The following CDH12 variants were observed in gnomAD, a reference collection of about 807,000 sequenced individuals.
CDH12 encodes the protein cadherin 12.
A neutral mutation model predicts 74.1 loss-of-function variants in CDH12; 41 were observed. The ratio of observed to expected loss-of-function variants is 0.55; its 90% CI spans 0.43 to 0.72. The LOEUF is 0.72. CDH12 is among the 30% of genes least tolerant of loss of function. CDH12 has a pLI of 0.00. For synonymous variants in CDH12, 399 were observed against 355.0 expected, an observed-to-expected ratio of 1.12 and a Z score of -1.39; for missense variants, 945 against 977.2, an observed-to-expected ratio of 0.97 and a Z score of 0.44.
At chr5:22,203,146 A>G (rs905817120) in intron 4 of CDH12, among the ~76,000 whole-genome samples, 34 of 152,174 alleles carry the variant, frequency 2.2e-4, no homozygotes, top group African/African-American at 8.2e-4. Context: ...TTTGAAATAT[A>G]TGTTATATTA....
At chr5:22,564,053 T>TAA (rs549285386) in intron 1 of CDH12, among the ~76,000 whole-genome samples, 1 of 152,148 alleles carries the variant, frequency 6.6e-6, no homozygotes, top group Non-Finnish European at 1.5e-5. Flanking sequence ...TCTATAGCCT[T>TAA]AAAAAAACTA....
chr5:22,194,278 A>G (rs747902969), intron 4 of CDH12, among the ~76,000 whole-genome samples: 1 of 145,656 alleles, frequency 6.9e-6, no homozygotes, highest in Non-Finnish European at 1.5e-5. Context: ...TACCTCCCCC[A>G]CTATTCTTTC....
chr5:22,352,788 T>C (rs1052059636), intron 3 of CDH12, among the ~76,000 whole-genome samples: 1 of 152,194 alleles, frequency 6.6e-6, no homozygotes, highest in Non-Finnish European at 1.5e-5. Context: ...GACATTATAC[T>C]GGAACTGGCA....
intron 4 of CDH12, among the ~76,000 whole-genome samples, chr5:22,166,862 A>G (rs1174189921): frequency 6.6e-6 from 1 of 152,202 alleles, no homozygotes; most frequent in Non-Finnish European, 1.5e-5. Flanking sequence ...ATTATTTTAA[A>G]AAAAGCAAAA....
chr5:22,756,586 A>T (rs1443781283), intron 1 of CDH12, among the ~76,000 whole-genome samples: 1 of 152,194 alleles, frequency 6.6e-6, no homozygotes, highest in African/African-American at 2.4e-5. Context: ...AGGATTCTTC[A>T]TAAAATGTGA....
intron 1 of CDH12, among the ~76,000 whole-genome samples, chr5:22,784,976 C>G (rs1049701135): frequency 6.6e-6 from 1 of 152,040 alleles, no homozygotes; most frequent in Non-Finnish European, 1.5e-5. Context: ...GAATCATTGT[C>G]TAATGGGATA....
intron 4 of CDH12, chr5:22,141,375 A>G (rs1374683753): frequency 2.0e-5 from 3 of 152,178 alleles, no homozygotes; most frequent in Non-Finnish European, 4.4e-5. Context: ...TGTTTCAGGA[A>G]ATTCTCTGGA....
intron 1 of CDH12, among the ~76,000 whole-genome samples, chr5:22,761,075 G>GT (rs894980896): frequency 7.9e-5 from 12 of 152,240 alleles, no homozygotes; most frequent in African/African-American, 2.2e-4. Flanking sequence ...AGTCATAACT[G>GT]TTTTTTTGTC....
chr5:21,773,478 C>G (rs368479079), intron 11 of CDH12, among the ~76,000 whole-genome samples: 1 of 152,154 alleles, frequency 6.6e-6, no homozygotes, highest in African/African-American at 2.4e-5. Context: ...TTCCTGCCCT[C>G]GAACATCAGA....
intron 3 of CDH12, among the ~76,000 whole-genome samples, chr5:22,257,738 T>C (rs1753369186): frequency 6.6e-6 from 1 of 152,000 alleles, no homozygotes; most frequent in Non-Finnish European, 1.5e-5. Context: ...GCTCCTGATT[T>C]GCCTGCCTCA....
chr5:21,886,079 A>G (rs569098217), intron 6 of CDH12, among the ~76,000 whole-genome samples: 1 of 152,174 alleles, frequency 6.6e-6, no homozygotes, highest in Non-Finnish European at 1.5e-5. Context: ...GTAACATAAA[A>G]TTCATTGCTC....
At chr5:22,117,495 A>G (rs1580276898) in intron 4 of CDH12, among the ~76,000 whole-genome samples, 1 of 74,280 alleles carries the variant, frequency 1.3e-5, no homozygotes, top group Admixed American at 2.0e-4. Flanking sequence ...TATATTATAT[A>G]TATATAATAT....
intron 3 of CDH12, among the ~76,000 whole-genome samples, chr5:22,293,621 T>TAC (rs150772328): frequency 0.032 from 4,768 of 150,844 alleles, 99 homozygotes; most frequent in African/African-American, 0.054. Flanking sequence ...CATATACATA[T>TAC]ACACACACAC....
chr5:21,842,463 A>G (rs1261429445), intron 7 of CDH12, 135 bp from the exon 8 acceptor site: 16 of 593,748 alleles, frequency 2.7e-5, no homozygotes, highest in Admixed American at 3.7e-5. Context: ...TGTATCTTTT[A>G]AAAAGTGAGA....
chr5:22,584,426 T>C (rs1157026735), intron 1 of CDH12, among the ~76,000 whole-genome samples: 1 of 152,170 alleles, frequency 6.6e-6, no homozygotes, highest in Non-Finnish European at 1.5e-5. Context: ...AATTCTGTGT[T>C]TTTAAGATTT....
rs187099562 is a variant in CDH12 at position 22,825,032 on chromosome 5, G to C, written c.-523+28026C>G. ...AAAACTGTATTACCAAAGATAAAAA[G>C]GGTCACAGAATAATTATACAAAGAA... is the stretch of plus-strand genomic sequence containing the variant. On this transcript the variant is annotated intron_variant, in intron 1 of 14. Coordinates refer to ENST00000382254, the MANE Select transcript of CDH12 (RefSeq NM_004061.5). Among the ~76,000 whole-genome samples, 911 of 151,964 alleles carry C rather than the reference G, an allele frequency of 6.0e-3. 9 individuals carry two copies. The highest frequency in any genetic ancestry group is 0.021 in the African/African-American group (881 of 41,514).
chr5:22,571,659 C>A (rs1739546609), intron 1 of CDH12, among the ~76,000 whole-genome samples: 1 of 152,258 alleles, frequency 6.6e-6, no homozygotes, highest in Non-Finnish European at 1.5e-5. Flanking sequence ...AAGTGAGAGA[C>A]ATGCAACTCT....
chr5:22,007,356 T>A (rs1357103320), intron 5 of CDH12, among the ~76,000 whole-genome samples: 3 of 152,136 alleles, frequency 2.0e-5, no homozygotes, highest in Non-Finnish European at 1.5e-5. Flanking sequence ...CTGGTAAGTA[T>A]GTGAGGTAAG....
chr5:22,640,517 T>TA (rs1739090538), intron 1 of CDH12, among the ~76,000 whole-genome samples: 1 of 152,230 alleles, frequency 6.6e-6, no homozygotes, highest in Non-Finnish European at 1.5e-5. Flanking sequence ...TTGATCATGA[T>TA]ATCTACATCA....
Sources: allele counts gnomAD v4.1 joint callset (sites outside exome capture counted in the v4.1 genomes callset), GRCh38; gene constraint gnomAD v4.1.1; transcripts MANE v1.5; gene names NCBI Gene and HGNC (gene_info 2026-07-23, HGNC 2026-07-21).